The following ARHGAP24 variants were observed in gnomAD, a reference collection of about 807,000 sequenced individuals.
ARHGAP24 encodes the protein rho GTPase-activating protein 24.
Under a neutral mutation model 76.4 loss-of-function variants are expected in ARHGAP24, and 50 were observed. The ratio of observed to expected loss-of-function variants is 0.65; its 90% CI spans 0.52 to 0.83. ARHGAP24 has a LOEUF of 0.83. Among genes scored for constraint, ARHGAP24 ranks in the 40% least tolerant of loss-of-function variants. The pLI, the probability that ARHGAP24 is intolerant of heterozygous loss-of-function variation, is 0.00. For missense variants in ARHGAP24, 930 were observed against 914.2 expected, an observed-to-expected ratio of 1.02 and a Z score of -0.22; for synonymous variants, 345 against 323.3, an observed-to-expected ratio of 1.07 and a Z score of -0.72.
intron 2 of ARHGAP24, among the ~76,000 whole-genome samples, chr4:85,575,880 C>A (rs997473584): frequency 6.6e-6 from 1 of 152,114 alleles, no homozygotes; most frequent in Non-Finnish European, 1.5e-5. Context: ...AGCAGGGCAT[C>A]GATTTTTAGA....
rs1721596869 is a variant in ARHGAP24 at position 85,643,254 on chromosome 4, T to G, written c.180+72533T>G. Among the ~76,000 whole-genome samples the G allele has an allele frequency of 5.6e-5, 3 of 53,314 alleles. 1 individual carries two copies. The highest frequency in any genetic ancestry group is 7.2e-5 in the Non-Finnish European group (2 of 27,964). 35.0% of individuals were successfully genotyped at this position (53,314 alleles called of 152,430 possible). The stretch of plus-strand genomic sequence containing the variant: ...TTTGTGTTTTTTTTTTTTTTTTTTT[T>G]TTTTTTTTTTTTTTTGAGACGGAGT... On this transcript the variant is annotated intron_variant, in intron 2 of 9. Transcript: ENST00000395184.
intron 4 of ARHGAP24, chr4:85,930,860 G>A: frequency 6.2e-7 from 1 of 1,607,962 alleles, no homozygotes; most frequent in Non-Finnish European, 8.5e-7. Context: ...ATGAGGAGTG[G>A]CTGTTGGGTT....
chr4:85,654,804 A>G (rs1722080589), intron 2 of ARHGAP24, among the ~76,000 whole-genome samples: 1 of 152,310 alleles, frequency 6.6e-6, no homozygotes, highest in African/African-American at 2.4e-5. Context: ...CAGATTTATA[A>G]CATTCATATT....
At chr4:85,912,677 T>G (rs773867478) in intron 3 of ARHGAP24, among the ~76,000 whole-genome samples, 1 of 152,216 alleles carries the variant, frequency 6.6e-6, no homozygotes, top group Non-Finnish European at 1.5e-5. Flanking sequence ...AGATACTGTA[T>G]GAAGAAAGTT....
intron 3 of ARHGAP24, among the ~76,000 whole-genome samples, chr4:85,856,471 CTTT>C (rs3029091): frequency 5.4e-5 from 7 of 128,544 alleles, no homozygotes; most frequent in Non-Finnish European, 8.0e-5. Context: ...GGAAATTACT[CTTT>C]TTTTTTTTTT....
At chr4:85,675,540 T>A (rs973008919) in intron 2 of ARHGAP24, among the ~76,000 whole-genome samples, 1 of 152,094 alleles carries the variant, frequency 6.6e-6, no homozygotes, top group Admixed American at 6.6e-5. Flanking sequence ...GGGTAACAAT[T>A]TATGGATAAC....
chr4:85,787,509 A>C (rs1271401851), intron 3 of ARHGAP24, among the ~76,000 whole-genome samples: 1 of 152,194 alleles, frequency 6.6e-6, no homozygotes, highest in Non-Finnish European at 1.5e-5. Flanking sequence ...TGCCTAAGAA[A>C]AGGGATAATT....
At chr4:85,876,696 C>G (rs1426423216) in intron 3 of ARHGAP24, among the ~76,000 whole-genome samples, 1 of 152,138 alleles carries the variant, frequency 6.6e-6, no homozygotes, top group African/African-American at 2.4e-5. Context: ...TTTCTTCTAG[C>G]ACCCATTGGC....
intron 5 of ARHGAP24, among the ~76,000 whole-genome samples, chr4:85,967,063 G>A (rs1738667070): frequency 6.6e-6 from 1 of 152,018 alleles, no homozygotes; most frequent in South Asian, 2.1e-4. Context: ...GGAGGAATGG[G>A]GATAGAGAAT....
At chr4:85,544,809 C>T (rs1481758276) in intron 1 of ARHGAP24, among the ~76,000 whole-genome samples, 3 of 152,122 alleles carry the variant, frequency 2.0e-5, no homozygotes, top group Non-Finnish European at 4.4e-5. Context: ...AACTCCCTGC[C>T]TTTCATCTTT....
chr4:85,994,904 C>CG lies in ARHGAP24; in HGVS notation c.1250_1251insG (p.Leu418SerfsTer10). 1 of 1,614,086 alleles carries CG rather than the reference C, an allele frequency of 6.2e-7. No homozygotes were observed. The highest frequency in any genetic ancestry group is 8.5e-7 in the Non-Finnish European group (1 of 1,180,006). Reference sequence around the variant, plus strand: ...AAGCTAGATGTGTCTAGAAGCCCCCCTCTCATGGTCAAAAAGAACCCAGCC... The same window carrying CG: ...AAGCTAGATGTGTCTAGAAGCCCCCCGTCTCATGGTCAAAAAGAACCCAGCC... On this transcript the variant is annotated frameshift_variant, in exon 9 of 10. Transcript: ENST00000395184. LOFTEE classifies it high-confidence loss of function.
intron 3 of ARHGAP24, among the ~76,000 whole-genome samples, chr4:85,920,986 A>G (rs965701165): frequency 4.6e-5 from 7 of 152,206 alleles, no homozygotes. Context: ...TCAAAGACCT[A>G]AAGACAGAAA....
chr4:85,783,213 C>A (rs933744482), intron 3 of ARHGAP24, among the ~76,000 whole-genome samples: 14 of 151,926 alleles, frequency 9.2e-5, no homozygotes, highest in East Asian at 1.9e-4. Context: ...GGTTTTGTTT[C>A]TTTTGCTGTA....
intron 3 of ARHGAP24, among the ~76,000 whole-genome samples, chr4:85,797,047 A>T (rs1488619272): frequency 6.6e-6 from 1 of 152,226 alleles, no homozygotes; most frequent in African/African-American, 2.4e-5. Flanking sequence ...CGGAGCCAGC[A>T]TACAGGCTCT....
chr4:85,786,376 T>C (rs1380128637), intron 3 of ARHGAP24, among the ~76,000 whole-genome samples: 1 of 152,212 alleles, frequency 6.6e-6, no homozygotes, highest in Non-Finnish European at 1.5e-5. Context: ...AAATCCATCC[T>C]CTTTCATTCA....
chr4:85,897,597 A>T (rs551560007), intron 3 of ARHGAP24, among the ~76,000 whole-genome samples: 7 of 152,254 alleles, frequency 4.6e-5, no homozygotes, highest in African/African-American at 1.7e-4. Flanking sequence ...TAAAAGGGCT[A>T]TGAAGCCAGC....
chr4:85,790,595 C>T (rs1728073742), intron 3 of ARHGAP24, among the ~76,000 whole-genome samples: 2 of 152,108 alleles, frequency 1.3e-5, no homozygotes, highest in African/African-American at 4.8e-5. Flanking sequence ...ACTGTTCTTT[C>T]AACCACAAGC....
chr4:85,665,731 C>G (rs1209086978), intron 2 of ARHGAP24, among the ~76,000 whole-genome samples: 1 of 152,160 alleles, frequency 6.6e-6, no homozygotes, highest in Non-Finnish European at 1.5e-5. Context: ...AATCTCTCAG[C>G]ATTTGCTTGT....
Position 85,856,132 on chromosome 4 carries a change from C to T in ARHGAP24, c.269-67516C>T, listed in dbSNP as rs545955168. On this transcript the variant is annotated intron_variant, in intron 3 of 9. Coordinates refer to ENST00000395184, the MANE Select transcript of ARHGAP24 (RefSeq NM_001025616.3). ...CTTGCCATCATTTGATATTATCAAC[C>T]TTTCTTTTAATTTTAGGTGTTCTAA... Among the ~76,000 whole-genome samples, 21 of 152,104 alleles carry T rather than the reference C, an allele frequency of 1.4e-4. No homozygotes were observed. The South Asian group carries it at 4.4e-3, about 32-fold the overall frequency.
Sources: allele counts gnomAD v4.1 joint callset (sites outside exome capture counted in the v4.1 genomes callset), GRCh38; gene constraint gnomAD v4.1.1; transcripts MANE v1.5; gene names NCBI Gene and HGNC (gene_info 2026-07-23, HGNC 2026-07-21).